XAB2: variants seen among roughly 807,000 people sequenced by gnomAD.
XAB2 encodes pre-mRNA-splicing factor SYF1.
A neutral mutation model predicts 113.4 loss-of-function variants in XAB2; 57 were observed. The observed-to-expected ratio is 0.50, with a 90% CI of 0.41 to 0.63. The LOEUF is 0.63. XAB2 is among the 20% of genes least tolerant of loss of function. The pLI, the probability that XAB2 is intolerant of heterozygous loss-of-function variation, is 0.00. For synonymous variants in XAB2, 497 were observed against 498.8 expected (o/e 1.00, Z 0.05); for missense variants, 1,037 against 1,233.3 (o/e 0.84, Z 2.38).
At chr19:7,621,057 G>A (rs2031021297) in intron 13 of XAB2, 21 bp from the exon 14 acceptor site, 3 of 1,542,474 alleles carry the variant, frequency 1.9e-6, no homozygotes, top group Non-Finnish European at 2.6e-6. Context: ...TAGGCGGGGA[G>A]AGGGGAGCAC....
At chr19:7,622,032 C>T in intron 12 of XAB2, 2 of 339,902 alleles carry the variant, frequency 5.9e-6, no homozygotes, top group Non-Finnish European at 1.1e-5. Flanking sequence ...TGACTGATGT[C>T]CTTTATAAGA....
rs2031090225 is a variant in XAB2, at chr19:7,624,040, AG to A, written c.968-159del. Reference sequence around the variant, plus strand: ...GGGTGTCCACCTGAGCCCCACCCCCAGCCCCAGGTACTGTGGATACCCCCTC... The same window carrying A: ...GGGTGTCCACCTGAGCCCCACCCCCACCCCAGGTACTGTGGATACCCCCTC... On this transcript the variant is annotated intron_variant, in intron 7 of 18. Transcript: ENST00000358368. This position sits in a 1 kb window ranked among gnomAD's most constrained non-coding sequence, Gnocchi z 4.2. Among the ~76,000 whole-genome samples the A allele has an allele frequency of 3.2e-5, 1 of 31,674 alleles. No homozygotes were observed. Among genetic ancestry groups the A allele is most frequent in the African/African-American group, 1.3e-4 (1 of 7,838 alleles). 20.8% of individuals were successfully genotyped at this position (31,674 alleles called of 152,430 possible). A position where few individuals can be genotyped will look rare whatever the true frequency, so the allele number is the denominator to read the frequency against.
rs1599374973 is a variant in XAB2 at position 7,628,266 on chromosome 19, G to A, written c.84C>T (p.Ile28=). 8 of 1,614,128 alleles carry A rather than the reference G, an allele frequency of 5.0e-6. No homozygotes were observed. The highest frequency in any genetic ancestry group is 2.7e-5 in the African/African-American group (2 of 75,030). The part of the protein sequence containing the change: ...EEEDLPYEEE[I]MRNQFSVKCW... ...ATTTGACAGAGAATTGGTTCCGCAT[G>A]ATTTCCTCCTCATAGGGGAGGTCCT... Residue 28 remains isoleucine (I), a synonymous_variant, in exon 2 of 19, where the codon ATC becomes ATT. Transcript: ENST00000358368. This position sits in a 1 kb window ranked among gnomAD's most constrained non-coding sequence, Gnocchi z 4.6.
Position 7,627,179 on chromosome 19 carries a change from T to C in XAB2, c.522+64A>G. On this transcript the variant is annotated intron_variant, in intron 4 of 18. Coordinates refer to ENST00000358368, the MANE Select transcript of XAB2 (RefSeq NM_020196.3). The surrounding 1 kb of genome is among the most constrained non-coding windows in gnomAD (Gnocchi z 4.5). ...TGCTGGGTGACATCCTACGCGGAGC[T>C]AGTGTCACAGTGAGGCCGTTTCTGG... 6.4e-7 allele frequency: 1 copy of C among 1,567,434 alleles called. No individual in the cohort carries two copies. The highest frequency in any genetic ancestry group is 1.3e-5 in the African/African-American group (1 of 74,318).
At chr19:7,621,435 C>G in intron 12 of XAB2, 138 bp from the exon 13 acceptor site, 2 of 915,784 alleles carry the variant, frequency 2.2e-6, no homozygotes, top group African/African-American at 1.6e-5. Context: ...CTCCCTGTCC[C>G]TAATGGCAGT....
chr19:7,619,557 G>GGA lies in XAB2; in HGVS notation c.*28_*29insTC, dbSNP rs1340594514. The GGA allele has an allele frequency of 6.8e-7, 1 of 1,463,326 alleles. No homozygotes were observed. The highest frequency in any genetic ancestry group is 1.4e-5 in the African/African-American group (1 of 69,684). The allele number at this position is 1,463,326 out of a possible 1,614,324, so 90.6% of individuals were successfully genotyped here. A position where few individuals can be genotyped will look rare whatever the true frequency, so the allele number is the denominator to read the frequency against. Reference sequence around the variant, plus strand: ...CAAACGTAGCTGTATTGGGGAGGGGGTGGGGAGGGGGGATGGGGGAGGGAC... The same window carrying GGA: ...CAAACGTAGCTGTATTGGGGAGGGGGGATGGGGAGGGGGGATGGGGGAGGGAC... On this transcript the variant is annotated 3_prime_UTR_variant, in exon 19 of 19. Coordinates refer to ENST00000358368, the MANE Select transcript of XAB2 (RefSeq NM_020196.3).
Position 7,619,771 on chromosome 19 carries a change from C to A in XAB2, c.2482G>T (p.Asp828Tyr), listed in dbSNP as rs764653754. ...CCGTTGGGCTCCAGGTCCATCTCGT[C>A]CTCGTCCTCGTCCTCGCCCAGCTGG... ...EIQLGEDEDE[D>Y]EMDLEPNEVR... is the part of the protein sequence containing the mutation. The change falls in exon 18 of 19, where the codon GAC becomes TAC. Residue 828 changes from aspartate (D) to tyrosine (Y), a missense_variant. Coordinates refer to ENST00000358368, the MANE Select transcript of XAB2 (RefSeq NM_020196.3). The A allele has an allele frequency of 1.2e-6, 2 of 1,612,768 alleles. No individual in the cohort carries two copies. Among genetic ancestry groups the A allele is most frequent in the Non-Finnish European group, 1.7e-6 (2 of 1,179,256 alleles).
intron 1 of XAB2, among the ~76,000 whole-genome samples, chr19:7,629,187 T>C (rs1046641715): frequency 2.6e-5 from 4 of 152,202 alleles, no homozygotes; most frequent in African/African-American, 9.7e-5. Context: ...TTATGCGATC[T>C]TCCTCCTCTC....
rs752563124 is a variant in XAB2, at chr19:7,619,793, C to G, written c.2460G>C (p.Gln820His). Residue 820 changes from glutamine to histidine, a missense_variant, in exon 18 of 19, where the codon CAG becomes CAC. Gln to His is a conservative substitution (Grantham distance 24). Transcript: ENST00000358368. ...LAQQVNPEEI[Q>H]LGEDEDEDEM... is the part of the protein sequence containing the mutation. Reference sequence around the variant, plus strand: ...CGTCCTCGTCCTCGTCCTCGCCCAGCTGGATCTCCTCGGGGTTGACCTGCT... The same window carrying G: ...CGTCCTCGTCCTCGTCCTCGCCCAGGTGGATCTCCTCGGGGTTGACCTGCT... 6.2e-7 allele frequency: 1 copy of G among 1,613,592 alleles called. No homozygotes were observed. The highest frequency in any genetic ancestry group is 1.1e-5 in the South Asian group (1 of 91,094).
At position 7,620,338 on chromosome 19, in the gene XAB2, T is replaced by C; in HGVS notation, c.2203A>G (p.Asn735Asp). 6.2e-7 allele frequency: 1 copy of C among 1,613,732 alleles called. No homozygotes were observed. The highest frequency in any genetic ancestry group is 8.5e-7 in the Non-Finnish European group (1 of 1,180,008). The change falls in exon 16 of 19, where the codon AAC (asparagine) becomes GAC (aspartate). Residue 735 changes from asparagine to aspartate, a missense_variant. By Grantham distance (23) the Asn-to-Asp change is conservative. Transcript: ENST00000358368. Reference protein sequence around the residue: ...RIRRSVQATYNTQVNFMASQM... With the variant: ...RIRRSVQATYDTQVNFMASQM... ...GAGGCCATGAAGTTGACCTGCGTGTTGTACGTGGCCTGCACGCTGCGCCGG... is the reference window on the plus strand; with the variant it reads ...GAGGCCATGAAGTTGACCTGCGTGTCGTACGTGGCCTGCACGCTGCGCCGG...
In XAB2 at chr19:7,623,776, G is replaced by C; in HGVS notation, c.1074C>G (p.His358Gln). Residue 358 changes from histidine to glutamine, a missense_variant, in exon 8 of 19, where the codon CAC (histidine) becomes CAG (glutamine). His to Gln is a conservative substitution (Grantham distance 24, BLOSUM62 0). Transcript: ENST00000358368. The surrounding 1 kb of genome is among the most constrained non-coding windows in gnomAD (Gnocchi z 4.6). The stretch of plus-strand genomic sequence containing the variant: ...GCAGGGCGACACGCTTGTGCCACTC[G>C]TGCACGTGGTGTGGGTTTTGGCGCA... ...VLLRQNPHHV[H>Q]EWHKRVALHQ... The C allele has an allele frequency of 1.2e-6, 2 of 1,611,894 alleles. No homozygotes were observed. The highest frequency in any genetic ancestry group is 1.7e-6 in the Non-Finnish European group (2 of 1,179,526).
Position 7,628,120 on chromosome 19 carries a change from G to C in XAB2, c.200+30C>G. 1.9e-6 allele frequency: 3 copies of C among 1,599,994 alleles called. No individual in the cohort carries two copies. Among genetic ancestry groups the C allele is most frequent in the African/African-American group, 1.3e-5 (1 of 74,866 alleles). ...AACTGGACCAGGTGGGGTGGGGGCTGGTGGGCAGGGCAGCTGGAGCCATTC... is the reference window on the plus strand; with the variant it reads ...AACTGGACCAGGTGGGGTGGGGGCTCGTGGGCAGGGCAGCTGGAGCCATTC... On this transcript the variant is annotated intron_variant, in intron 2 of 18. Transcript: ENST00000358368. The surrounding 1 kb of genome is among the most constrained non-coding windows in gnomAD (Gnocchi z 4.6).
rs2031121938 is a variant in XAB2 at position 7,625,563 on chromosome 19, C to T, written c.822+317G>A. Among the ~76,000 whole-genome samples, 1 of 151,278 alleles carries T rather than the reference C, an allele frequency of 6.6e-6. No homozygotes were observed. Among genetic ancestry groups the T allele is most frequent in the East Asian group, 1.9e-4 (1 of 5,180 alleles). On this transcript the variant is annotated intron_variant, in intron 6 of 18. Coordinates refer to ENST00000358368, the MANE Select transcript of XAB2 (RefSeq NM_020196.3). The surrounding 1 kb of genome is among the most constrained non-coding windows in gnomAD (Gnocchi z 5.2). ...GCGCGATCGCAGCTCACGGCAACCT[C>T]CACCTCCCAAGTTCAAGCGATTCTC...
At position 7,620,140 on chromosome 19, in the gene XAB2, T is replaced by C. The variant is rs1207473511; in HGVS notation, c.2267-65A>G. On this transcript the variant is annotated intron_variant, in intron 16 of 18. Coordinates refer to ENST00000358368, the MANE Select transcript of XAB2 (RefSeq NM_020196.3). ...CTCCCACACATCGGACGTTGCACTA[T>C]CCCAGTCCCCCAGGTGATGGCCCAG... 2.5e-6 allele frequency: 4 copies of C among 1,596,312 alleles called. No homozygotes were observed. In the South Asian group the frequency reaches 4.4e-5, roughly 18 times the overall value.
chr19:7,620,448 T>C lies in XAB2; in HGVS notation c.2095-2A>G, dbSNP rs1419687290. ...CGTCTGCCAGAACGCGCCGGTCGTCTGCGTGGGGGGCAGGGCAGGGGTGGG... is the reference window on the plus strand; with the variant it reads ...CGTCTGCCAGAACGCGCCGGTCGTCCGCGTGGGGGGCAGGGCAGGGGTGGG... On this transcript the variant is annotated splice_acceptor_variant, in intron 15 of 18. Transcript: ENST00000358368. LOFTEE classifies it high-confidence loss of function. 1 of 1,608,690 alleles carries C rather than the reference T, an allele frequency of 6.2e-7. No homozygotes were observed. Among genetic ancestry groups the C allele is most frequent in the East Asian group, 2.2e-5 (1 of 44,794 alleles).
Position 7,623,302 on chromosome 19 carries a change from G to T in XAB2, c.1120-13C>A. ...AGGTGTTGATGATCTGGGGACAGGA[G>T]GGAGGAGGTCATATAGGACTCAGGA... On this transcript the variant is annotated splice_polypyrimidine_tract_variant and intron_variant, in intron 8 of 18. Coordinates refer to ENST00000358368, the MANE Select transcript of XAB2 (RefSeq NM_020196.3). The surrounding 1 kb of genome is among the most constrained non-coding windows in gnomAD (Gnocchi z 4.6). 1 of 1,613,056 alleles carries T rather than the reference G, an allele frequency of 6.2e-7. No homozygotes were observed. Among genetic ancestry groups the T allele is most frequent in the South Asian group, 1.1e-5 (1 of 91,084 alleles).
At chr19:7,621,938 C>G (rs778346436) in intron 12 of XAB2, 1 of 225,424 alleles carries the variant, frequency 4.4e-6, no homozygotes, top group Non-Finnish European at 8.9e-6. Context: ...CAAATCTTAA[C>G]CCCCAGTACC....
Position 7,624,021 on chromosome 19 carries a change from C to A in XAB2, c.968-139G>T. The A allele has an allele frequency of 2.7e-6, 3 of 1,112,280 alleles. No homozygotes were observed. The highest frequency in any genetic ancestry group is 1.6e-5 in the African/African-American group (1 of 63,420). The allele number at this position is 1,112,280 out of a possible 1,614,324, so 68.9% of individuals were successfully genotyped here. A position where few individuals can be genotyped will look rare whatever the true frequency, so the allele number is the denominator to read the frequency against. ...GGCCCTAGACACTCAGCTCGGGTGT[C>A]CACCTGAGCCCCACCCCCAGCCCCA... On this transcript the variant is annotated intron_variant, in intron 7 of 18. Coordinates refer to ENST00000358368, the MANE Select transcript of XAB2 (RefSeq NM_020196.3). This position sits in a 1 kb window ranked among gnomAD's most constrained non-coding sequence, Gnocchi z 4.2.
chr19:7,620,900 C>T lies in XAB2; in HGVS notation c.1917G>A (p.Ala639=), dbSNP rs377314660. The stretch of plus-strand genomic sequence containing the variant: ...TGTGGGTGACCCCATAGATCTCGGC[C>T]GCCCGCTTGATGTAGATGTTGAACA... The part of the protein sequence containing the change: ...YDMFNIYIKR[A]AEIYGVTHTR... The change falls in exon 14 of 19, where the codon GCG becomes GCA. Residue 639 remains alanine (A), a synonymous_variant. Transcript: ENST00000358368. The T allele has an allele frequency of 1.2e-4, 191 of 1,603,218 alleles. No individual in the cohort carries two copies. Among genetic ancestry groups the T allele is most frequent in the South Asian group, 3.8e-4 (34 of 89,114 alleles).
Sources: allele counts gnomAD v4.1 joint callset (sites outside exome capture counted in the v4.1 genomes callset), GRCh38; gene constraint gnomAD v4.1.1; non-coding constraint Gnocchi (gnomAD v3.1); transcripts MANE v1.5; gene names NCBI Gene and HGNC (gene_info 2026-07-23, HGNC 2026-07-21).